Variants in PCDHA10 observed in about 807,000 individuals in gnomAD.
The protein encoded by PCDHA10 is protocadherin alpha 10.
PCDHA10 carries 45 observed loss-of-function variants against 61.2 expected under a neutral mutation model. The ratio of observed to expected loss-of-function variants is 0.74; its 90% CI spans 0.58 to 0.94. The LOEUF (loss-of-function observed/expected upper bound fraction) is 0.94. PCDHA10 is among the 40% of genes least tolerant of loss of function. PCDHA10 has a pLI of 0.00. For synonymous variants in PCDHA10, 602 were observed against 548.8 expected (o/e 1.10, Z -1.35); for missense variants, 1,278 against 1,236.2 (o/e 1.03, Z -0.51).
At chr5:140,879,303 G>A (rs2057936117) in intron 1 of PCDHA10, among the ~76,000 whole-genome samples, 1 of 152,184 alleles carries the variant, frequency 6.6e-6, no homozygotes. Flanking sequence ...AAAAACAAAA[G>A]TAGAAGTTGA....
chr5:140,875,422 AG>A (rs1554167622), intron 1 of PCDHA10: 1 of 1,524,010 alleles, frequency 6.6e-7, no homozygotes, highest in Non-Finnish European at 8.8e-7. Context: ...ACCTCAGGCA[AG>A]CGATCCCTTA....
At chr5:140,883,971 C>G in intron 1 of PCDHA10, 1 of 1,613,030 alleles carries the variant, frequency 6.2e-7, no homozygotes. Context: ...CTGCTGACGC[C>G]CGGGGCTGGC....
At chr5:141,008,745 G>A (rs759690147) in intron 3 of PCDHA10, among the ~76,000 whole-genome samples, 5 of 152,200 alleles carry the variant, frequency 3.3e-5, no homozygotes, top group Non-Finnish European at 7.3e-5. Context: ...TGAGCACACT[G>A]AGGGAAGGAA....
At chr5:140,945,664 C>T (rs1342424562) in intron 1 of PCDHA10, among the ~76,000 whole-genome samples, 1 of 152,048 alleles carries the variant, frequency 6.6e-6, no homozygotes, top group Admixed American at 6.5e-5. Context: ...ATACAGCTCC[C>T]AGAAATAAAT....
At chr5:140,999,766 A>G (rs1417826824) in intron 3 of PCDHA10, among the ~76,000 whole-genome samples, 2 of 152,180 alleles carry the variant, frequency 1.3e-5, no homozygotes, top group African/African-American at 2.4e-5. Flanking sequence ...TGATGTCTTT[A>G]TACTCTTAAC....
intron 1 of PCDHA10, among the ~76,000 whole-genome samples, chr5:140,973,232 G>GA (rs2096577680): frequency 6.6e-6 from 1 of 152,196 alleles, no homozygotes; most frequent in African/African-American, 2.4e-5. Flanking sequence ...ATAGTGACCT[G>GA]AAAGAGTTAA....
rs1031755500 is a variant in PCDHA10 at position 140,856,096 on chromosome 5, G to A, written c.48G>A (p.Ser16=). 31 of 1,597,342 alleles carry A rather than the reference G, an allele frequency of 1.9e-5. 3 individuals are homozygous for A. The Admixed American group carries it at 5.2e-4, about 27-fold the overall frequency. The change falls in exon 1 of 4, where the codon TCG becomes TCA. Residue 16 remains serine, a synonymous_variant. Transcript: ENST00000307360. ...SCLGVQCLLL[S]LLLLAAWEVG... is the part of the protein sequence containing the mutation. ...TGGGGGTCCAGTGTCTGCTGCTCTCGCTTCTTCTCCTCGCAGCCTGGGAGG... is the reference window on the plus strand; with the variant it reads ...TGGGGGTCCAGTGTCTGCTGCTCTCACTTCTTCTCCTCGCAGCCTGGGAGG...
chr5:141,000,485 T>C (rs2097941579), intron 3 of PCDHA10, among the ~76,000 whole-genome samples: 2 of 135,980 alleles, frequency 1.5e-5, no homozygotes, highest in African/African-American at 5.5e-5. Flanking sequence ...TGGAGTGCAA[T>C]GGTAAGATCT....
intron 1 of PCDHA10, chr5:140,863,499 T>G: frequency 2.3e-6 from 1 of 434,624 alleles, no homozygotes; most frequent in Non-Finnish European, 4.6e-6. Context: ...CATTACGGCT[T>G]TTAGTCCTAG....
At chr5:140,989,437 A>G (rs1330784508) in intron 3 of PCDHA10, among the ~76,000 whole-genome samples, 1 of 152,138 alleles carries the variant, frequency 6.6e-6, no homozygotes, top group East Asian at 1.9e-4. Flanking sequence ...AAAATTGCTG[A>G]GGTTGTTTAG....
intron 1 of PCDHA10, among the ~76,000 whole-genome samples, chr5:140,878,960 A>G (rs1028687741): frequency 6.6e-6 from 1 of 152,322 alleles, no homozygotes; most frequent in African/African-American, 2.4e-5. Context: ...GAAATGTATT[A>G]CCTGGACATT....
chr5:140,926,884 A>G, intron 1 of PCDHA10: 7 of 1,542,402 alleles, frequency 4.5e-6, no homozygotes, highest in Non-Finnish European at 6.1e-6. Flanking sequence ...GTGGACGCCT[A>G]GAGGGAGGAT....
At chr5:140,931,396 G>C (rs1554208395) in intron 1 of PCDHA10, among the ~76,000 whole-genome samples, 1 of 152,000 alleles carries the variant, frequency 6.6e-6, no homozygotes, top group Non-Finnish European at 1.5e-5. Flanking sequence ...ATAAGTAAGC[G>C]ATAGGAAGGC....
intron 1 of PCDHA10, chr5:140,929,422 T>C: frequency 1.3e-6 from 2 of 1,500,730 alleles, no homozygotes; most frequent in Non-Finnish European, 1.8e-6. Context: ...CAACATTTCA[T>C]CAATTGAACT....
chr5:140,981,260 T>C (rs975813904), intron 2 of PCDHA10, among the ~76,000 whole-genome samples: 11 of 152,324 alleles, frequency 7.2e-5, no homozygotes, highest in African/African-American at 2.4e-4. Flanking sequence ...ACTTTCAAGA[T>C]AAGCAAATGT....
At chr5:140,875,423 G>A in intron 1 of PCDHA10, 2 of 1,524,996 alleles carry the variant, frequency 1.3e-6, no homozygotes, top group Non-Finnish European at 1.8e-6. Flanking sequence ...CCTCAGGCAA[G>A]CGATCCCTTA....
chr5:140,909,210 G>A (rs2074375008), intron 1 of PCDHA10, among the ~76,000 whole-genome samples: 1 of 152,186 alleles, frequency 6.6e-6, no homozygotes, highest in Non-Finnish European at 1.5e-5. Context: ...CCGGAGAGTT[G>A]ATATACCCCT....
At chr5:140,889,904 TTGTCATAC>T (rs1320793501) in intron 1 of PCDHA10, among the ~76,000 whole-genome samples, 4 of 152,172 alleles carry the variant, frequency 2.6e-5, no homozygotes, top group Non-Finnish European at 5.9e-5. Context: ...TACCTTGAGA[TTGTCATAC>T]TGTAAAGAAG....
intron 1 of PCDHA10, chr5:140,968,997 G>A (rs1459602291): frequency 6.2e-7 from 1 of 1,614,092 alleles, no homozygotes; most frequent in African/African-American, 1.3e-5. Flanking sequence ...TGCTGTGGAG[G>A]CTTCTGTGGA....
Sources: allele counts gnomAD v4.1 joint callset (sites outside exome capture counted in the v4.1 genomes callset), GRCh38; gene constraint gnomAD v4.1.1; transcripts MANE v1.5; gene names NCBI Gene and HGNC (gene_info 2026-07-23, HGNC 2026-07-21).